B4GALT1: variants seen among roughly 807,000 people sequenced by gnomAD.
B4GALT1 encodes the protein N-acetyllactosamine synthase.
Under a neutral mutation model 34.9 loss-of-function variants are expected in B4GALT1, and 16 were observed. The observed-to-expected ratio is 0.46, with a 90% CI of 0.31 to 0.70. B4GALT1 has a LOEUF of 0.70. Ranked by LOEUF, B4GALT1 falls within the 30% of genes least tolerant of loss-of-function variation. The pLI is 0.05. For missense variants in B4GALT1, 445 were observed against 530.5 expected (o/e 0.84, Z 1.58); for synonymous variants, 221 against 218.1 (o/e 1.01, Z -0.12).
At position 33,135,212 on chromosome 9, in the gene B4GALT1, A is replaced by G; in HGVS notation, c.625T>C (p.Tyr209His). 2 of 1,614,124 alleles carry G rather than the reference A, an allele frequency of 1.2e-6. No individual in the cohort carries two copies. The highest frequency in any genetic ancestry group is 1.7e-6 in the Non-Finnish European group (2 of 1,180,024). Residue 209 changes from tyrosine (Y) to histidine (H), a missense_variant, in exon 2 of 6, where the codon TAT becomes CAT. Physicochemically the swap from Tyr to His is moderately conservative, Grantham distance 83. This residue lies in a region of B4GALT1 where 349 missense variants were observed against 395.5 expected (regional missense o/e 0.88). Coordinates refer to ENST00000379731, the MANE Select transcript of B4GALT1 (RefSeq NM_001497.4). ...ACCTGGTTGATAACATAGATGCCAT[A>G]GTCCAGCTGCTGGCGCTGCAGGACT... ...HPVLQRQQLDYGIYVINQAGD... is the reference protein window; with the variant it reads ...HPVLQRQQLDHGIYVINQAGD...
chr9:33,144,266 C>T (rs1331083570), intron 1 of B4GALT1, among the ~76,000 whole-genome samples: 1 of 152,090 alleles, frequency 6.6e-6, no homozygotes, highest in Non-Finnish European at 1.5e-5. Context: ...AGGAGTCTCA[C>T]TCTGTCGCCC....
chr9:33,113,650 C>G, intron 5 of B4GALT1, 64 bp from the exon 6 acceptor site: 5 of 1,610,908 alleles, frequency 3.1e-6, no homozygotes, highest in Non-Finnish European at 4.2e-6. Flanking sequence ...AATCATCACA[C>G]GTACTTCCTC....
the B4GALT1 span, among the ~76,000 whole-genome samples, chr9:33,184,231 AAAT>A: frequency 6.8e-6 from 1 of 146,992 alleles, no homozygotes; most frequent in African/African-American, 2.5e-5. Flanking sequence ...AAATAAAACA[AAAT>A]AAAATAAAGT....
the B4GALT1 span, among the ~76,000 whole-genome samples, chr9:33,181,281 CGTG>C: frequency 6.6e-6 from 1 of 151,984 alleles, no homozygotes; most frequent in African/African-American, 2.4e-5. Context: ...ATTAGCCAGG[CGTG>C]GTGGTGGTAT....
chr9:33,132,143 T>C (rs757969020), intron 2 of B4GALT1, among the ~76,000 whole-genome samples: 2 of 151,718 alleles, frequency 1.3e-5, no homozygotes, highest in Admixed American at 6.6e-5. Context: ...AAAAAGATGA[T>C]ATTGACAAGA....
chr9:33,109,315 G>T (rs921118918), downstream of B4GALT1, among the ~76,000 whole-genome samples: 1 of 152,226 alleles, frequency 6.6e-6, no homozygotes, highest in Non-Finnish European at 1.5e-5. Flanking sequence ...GGGCATGGAA[G>T]CTTCTCTCCC....
At chr9:33,114,806 G>C (rs1263419697) in intron 4 of B4GALT1, among the ~76,000 whole-genome samples, 1 of 151,922 alleles carries the variant, frequency 6.6e-6, no homozygotes, top group African/African-American at 2.4e-5. Context: ...GTGGTGCATA[G>C]AAAGTGTTAG....
chr9:33,166,741 C>T lies in B4GALT1; in HGVS notation c.412+17G>A, dbSNP rs765098411. 1.3e-6 allele frequency: 2 copies of T among 1,495,486 alleles called. No individual in the cohort carries two copies. Among genetic ancestry groups the T allele is most frequent in the Non-Finnish European group, 1.8e-6 (2 of 1,130,012 alleles). 92.6% of individuals were successfully genotyped at this position (1,495,486 alleles called of 1,614,324 possible). A position where few individuals can be genotyped will look rare whatever the true frequency, so the allele number is the denominator to read the frequency against. On this transcript the variant is annotated intron_variant, in intron 1 of 5. Coordinates refer to ENST00000379731, the MANE Select transcript of B4GALT1 (RefSeq NM_001497.4). Reference sequence around the variant, plus strand: ...GGGGGTCCCAATCCTCCGACTGGCGCCGACCCGAGTCCTTACCAAGCAGCG... The same window carrying T: ...GGGGGTCCCAATCCTCCGACTGGCGTCGACCCGAGTCCTTACCAAGCAGCG...
downstream of B4GALT1, among the ~76,000 whole-genome samples, chr9:33,107,792 G>A (rs2117974605): frequency 6.6e-6 from 1 of 152,126 alleles, no homozygotes; most frequent in South Asian, 2.1e-4. Context: ...CCCATGGGGA[G>A]GGGGTTAAAC....
At chr9:33,105,054 AAG>A (rs1235118986) in intron 2 of B4GALT1, among the ~76,000 whole-genome samples, 3 of 151,734 alleles carry the variant, frequency 2.0e-5, no homozygotes, top group Non-Finnish European at 4.4e-5. Context: ...TCCTGACCTC[AAG>A]TGATCCGCCC....
chr9:33,177,319 C>T, the B4GALT1 span: 8 of 152,270 alleles, frequency 5.3e-5, no homozygotes, highest in African/African-American at 1.9e-4. Flanking sequence ...TTCAGGACTC[C>T]GCAAGCTTCC....
the B4GALT1 span, among the ~76,000 whole-genome samples, chr9:33,172,937 G>A: frequency 1.3e-5 from 2 of 151,728 alleles, no homozygotes; most frequent in African/African-American, 4.9e-5. Context: ...AGGGGTAAGG[G>A]TGGGGGTGGG....
At chr9:33,169,327 T>C (rs1258132579), upstream of B4GALT1, among the ~76,000 whole-genome samples, 1 of 152,224 alleles carries the variant, frequency 6.6e-6, no homozygotes, top group Admixed American at 6.5e-5. Context: ...ACTAGCCTGA[T>C]AGCTATTCCT....
the B4GALT1 span, among the ~76,000 whole-genome samples, chr9:33,172,932 T>C: frequency 1.7e-5 from 2 of 114,836 alleles, no homozygotes; most frequent in Non-Finnish European, 3.6e-5. Flanking sequence ...TAGGGAGGGG[T>C]AAGGGTGGGG....
downstream of B4GALT1, among the ~76,000 whole-genome samples, chr9:33,109,399 T>G (rs547303368): frequency 7.2e-5 from 11 of 152,350 alleles, no homozygotes; most frequent in South Asian, 4.1e-4. Flanking sequence ...TCACTTATAA[T>G]AAGACCAGTA....
rs1426540164 is a variant in B4GALT1, at chr9:33,111,438, T to G, written c.*2016A>C. On this transcript the variant is annotated 3_prime_UTR_variant, in exon 6 of 6. Transcript: ENST00000379731. ...CTTATTTCCCACAACTCCCTCTCAA[T>G]GCAGTCATTTCTAGTTTTAATAATA... 1 of 152,570 alleles carries G rather than the reference T, an allele frequency of 6.6e-6. No homozygotes were observed. The highest frequency in any genetic ancestry group is 1.5e-5 in the Non-Finnish European group (1 of 68,024). 9.5% of individuals were successfully genotyped at this position (152,570 alleles called of 1,614,324 possible).
rs2118353546 is a variant in B4GALT1, at chr9:33,167,212, G to A, written c.-43C>T. ...AAGAAGGGTGTGGGCTACAGGAGGG[G>A]AGGCGACCCGCCCGCGGGCCGCCCG... is the stretch of plus-strand genomic sequence containing the variant. On this transcript the variant is annotated 5_prime_UTR_variant, in exon 1 of 6. Transcript: ENST00000379731. The A allele has an allele frequency of 6.6e-7, 1 of 1,504,622 alleles. No individual in the cohort carries two copies. The highest frequency in any genetic ancestry group is 1.3e-5 in the South Asian group (1 of 76,834). The allele number at this position is 1,504,622 out of a possible 1,614,324, so 93.2% of individuals were successfully genotyped here.
chr9:33,181,546 C>A, the B4GALT1 span, among the ~76,000 whole-genome samples: 1 of 152,074 alleles, frequency 6.6e-6, no homozygotes, highest in African/African-American at 2.4e-5. Flanking sequence ...TCCTCTTCAA[C>A]ATTACTCCTT....
In B4GALT1 at chr9:33,113,190, C is replaced by G. The variant is rs901751832; in HGVS notation, c.*264G>C. 5 of 529,050 alleles carry G rather than the reference C, an allele frequency of 9.5e-6. No homozygotes were observed. The highest frequency in any genetic ancestry group is 1.4e-5 in the Non-Finnish European group (4 of 291,446). The allele number at this position is 529,050 out of a possible 1,614,324, so 32.8% of individuals were successfully genotyped here. On this transcript the variant is annotated 3_prime_UTR_variant, in exon 6 of 6. Coordinates refer to ENST00000379731, the MANE Select transcript of B4GALT1 (RefSeq NM_001497.4). Reference sequence around the variant, plus strand: ...ACCAAATTTTGGGATGTGTACAGTTCTGACTCTGGGGTGACACTGCGAACA... The same window carrying G: ...ACCAAATTTTGGGATGTGTACAGTTGTGACTCTGGGGTGACACTGCGAACA...
Sources: gnomAD v4.1 joint callset for allele counts (sites outside exome capture counted in the v4.1 genomes callset) on GRCh38, gnomAD v4.1.1 for gene constraint, gnomAD v4.1.1 regional missense constraint, MANE v1.5 for transcripts, NCBI Gene and HGNC (gene_info 2026-07-23, HGNC 2026-07-21) for gene names.